The following PHKB variants were observed in gnomAD, a reference collection of about 807,000 sequenced individuals.
PHKB encodes the protein phosphorylase b kinase regulatory subunit beta.
Under a neutral mutation model 152.1 loss-of-function variants are expected in PHKB, and 122 were observed. That is an observed-to-expected ratio of 0.80 (90% CI 0.69 to 0.93). The LOEUF is 0.93. Ranked by LOEUF, PHKB falls within the 40% of genes least tolerant of loss-of-function variation. The pLI is 0.00. For synonymous variants in PHKB, 436 were observed against 464.9 expected (o/e 0.94, Z 0.80); for missense variants, 1,304 against 1,328.4 (o/e 0.98, Z 0.29).
intron 14 of PHKB, among the ~76,000 whole-genome samples, chr16:47,633,446 C>T (rs1323875940): frequency 6.6e-6 from 1 of 152,170 alleles, no homozygotes; most frequent in Non-Finnish European, 1.5e-5. Flanking sequence ...ACCACTCATA[C>T]ACATTCTAAA....
At chr16:47,566,870 A>G (rs757679781) in intron 7 of PHKB, 1 of 700,320 alleles carries the variant, frequency 1.4e-6, no homozygotes, top group Non-Finnish European at 2.6e-6. Context: ...TCCCCTTCTT[A>G]TTCTTCTTTT....
chr16:47,610,220 A>T (rs1269779062), intron 13 of PHKB, among the ~76,000 whole-genome samples: 1 of 130,946 alleles, frequency 7.6e-6, no homozygotes, highest in Non-Finnish European at 1.5e-5. Flanking sequence ...CATGTTGGCC[A>T]GGCTGGTCTC....
intron 1 of PHKB, among the ~76,000 whole-genome samples, chr16:47,480,319 G>A (rs973034722): frequency 7.9e-5 from 12 of 152,174 alleles, no homozygotes; most frequent in African/African-American, 2.9e-4. Flanking sequence ...ATTGCTTAAA[G>A]GTCTTTGTGG....
intron 6 of PHKB, among the ~76,000 whole-genome samples, chr16:47,545,971 T>G (rs11247408): frequency 0.32 from 48,954 of 152,064 alleles, 8,236 homozygotes; most frequent in Non-Finnish European, 0.38. Context: ...CTACACTGTT[T>G]ATTCTAGTTA....
intron 11 of PHKB, among the ~76,000 whole-genome samples, 176 bp from the exon 12 acceptor site, chr16:47,593,961 C>T (rs1567319302): frequency 2.0e-5 from 3 of 152,086 alleles, no homozygotes; most frequent in Admixed American, 6.6e-5. Flanking sequence ...CTTTCTAAAA[C>T]CAATTTCTTG....
intron 1 of PHKB, among the ~76,000 whole-genome samples, chr16:47,490,457 A>G (rs1970129369): frequency 6.6e-6 from 1 of 152,326 alleles, no homozygotes; most frequent in African/African-American, 2.4e-5. Context: ...TGGAGCAAAT[A>G]TTAGTATTCA....
At chr16:47,571,802 G>A (rs1449411801) in intron 7 of PHKB, among the ~76,000 whole-genome samples, 2 of 152,200 alleles carry the variant, frequency 1.3e-5, no homozygotes, top group Non-Finnish European at 2.9e-5. Flanking sequence ...GCCCAGTACT[G>A]CACCTGTTCC....
Position 47,467,110 on chromosome 16 carries a change from C to T in PHKB, c.76+5684C>T, listed in dbSNP as rs150973212. The stretch of plus-strand genomic sequence containing the variant: ...CAAAACACCTGATATTTAGTAACTG[C>T]GCAATAAATTTTAGTTATCTTTCCT... On this transcript the variant is annotated intron_variant, in intron 1 of 30. Coordinates refer to ENST00000323584, the MANE Select transcript of PHKB (RefSeq NM_000293.3). 1.8e-4 allele frequency among the ~76,000 whole-genome samples: 27 copies of T among 152,222 alleles called. 1 individual carries two copies. The East Asian group carries it at 3.3e-3, about 19-fold the overall frequency.
intron 5 of PHKB, among the ~76,000 whole-genome samples, chr16:47,514,983 GTAT>G (rs1245183050): frequency 6.6e-6 from 1 of 152,086 alleles, no homozygotes; most frequent in Non-Finnish European, 1.5e-5. Context: ...CAGAAATTCT[GTAT>G]TTGTTGAATA....
Position 47,669,263 on chromosome 16 carries a change from T to G in PHKB, c.2476T>G (p.Leu826Val). 1 of 1,614,080 alleles carries G rather than the reference T, an allele frequency of 6.2e-7. No individual in the cohort carries two copies. The highest frequency in any genetic ancestry group is 8.5e-7 in the Non-Finnish European group (1 of 1,179,996). The part of the protein sequence containing the change: ...GHEEEVISNP[L>V]SPRVIQNIIY... ...TGAAGAAGAAGTTATCTCTAATCCT[T>G]TGTCTCCAAGAGTGATTCAAAACAT... Residue 826 changes from leucine to valine, a missense_variant, in exon 26 of 31, where the codon TTG becomes GTG. Physicochemically the swap from Leu to Val is conservative, Grantham distance 32. Transcript: ENST00000323584.
chr16:47,565,667 C>G, intron 7 of PHKB: 19 of 1,275,868 alleles, frequency 1.5e-5, no homozygotes, highest in South Asian at 2.4e-5. Context: ...TCGACCATCC[C>G]TGTTCCTGAG....
chr16:47,665,196 C>T (rs892450488), intron 25 of PHKB: 1 of 508,528 alleles, frequency 2.0e-6, no homozygotes, highest in African/African-American at 1.9e-5. Context: ...AAGTCAGCTT[C>T]TGTGGATATC....
chr16:47,556,457 TA>T (rs1272485243), intron 7 of PHKB, among the ~76,000 whole-genome samples: 1 of 152,220 alleles, frequency 6.6e-6, no homozygotes, highest in Non-Finnish European at 1.5e-5. Flanking sequence ...ATACCTAATT[TA>T]TTGAGAGTTT....
At chr16:47,545,274 G>C (rs1387338596) in intron 6 of PHKB, among the ~76,000 whole-genome samples, 1 of 152,116 alleles carries the variant, frequency 6.6e-6, no homozygotes, top group Admixed American at 6.5e-5. Context: ...AGGAGCTCTT[G>C]TAAGGCAGGC....
chr16:47,660,764 T>A lies in PHKB; in HGVS notation c.2141T>A (p.Val714Asp). The change falls in exon 22 of 31, where the codon GTC becomes GAC. Residue 714 changes from valine to aspartate, a missense_variant. Physicochemically the swap from Val to Asp is radical, Grantham distance 152. Coordinates refer to ENST00000323584, the MANE Select transcript of PHKB (RefSeq NM_000293.3). ...CCTGAACTGGGACAGCAGCCGGATG[T>A]CAACATTAGTGAATGGAAGGACAAA... ...SAPELGQQPD[V>D]NISEWKDKPT... The A allele has an allele frequency of 6.2e-7, 1 of 1,614,104 alleles. No individual in the cohort carries two copies. Among genetic ancestry groups the A allele is most frequent in the Non-Finnish European group, 8.5e-7 (1 of 1,179,984 alleles).
At chr16:47,647,312 C>A (rs185320107) in intron 16 of PHKB, among the ~76,000 whole-genome samples, 1 of 151,902 alleles carries the variant, frequency 6.6e-6, no homozygotes, top group African/African-American at 2.4e-5. Context: ...TTAGTAGAGA[C>A]CGGGTTTCAC....
At chr16:47,564,278 C>T (rs1971527185) in intron 7 of PHKB, among the ~76,000 whole-genome samples, 1 of 151,832 alleles carries the variant, frequency 6.6e-6, no homozygotes, top group Non-Finnish European at 1.5e-5. Context: ...ATCGTACTAA[C>T]TTTCATTCCC....
chr16:47,585,932 T>G (rs1180726739), intron 8 of PHKB, among the ~76,000 whole-genome samples: 1 of 152,252 alleles, frequency 6.6e-6, no homozygotes, highest in Non-Finnish European at 1.5e-5. Flanking sequence ...TGGTATGCAA[T>G]TAACTTTATT....
At chr16:47,506,787 A>G (rs1970427079) in intron 4 of PHKB, among the ~76,000 whole-genome samples, 1 of 152,232 alleles carries the variant, frequency 6.6e-6, no homozygotes, top group Non-Finnish European at 1.5e-5. Flanking sequence ...CACATAAAAT[A>G]CACTAACACC....
Sources: gnomAD v4.1 joint callset for allele counts (sites outside exome capture counted in the v4.1 genomes callset) on GRCh38, gnomAD v4.1.1 for gene constraint, MANE v1.5 for transcripts, NCBI Gene and HGNC (gene_info 2026-07-23, HGNC 2026-07-21) for gene names.